Variants in ANK3 observed in about 807,000 individuals in gnomAD.
ANK3 encodes the protein ankyrin 3.
A neutral mutation model predicts 370.9 loss-of-function variants in ANK3; 57 were observed. That is an observed-to-expected ratio of 0.15 (90% CI 0.12 to 0.19). The LOEUF is 0.19. Ranked by LOEUF, ANK3 falls within the 10% of genes least tolerant of loss-of-function variation. ANK3 has a pLI of 1.00. For missense variants in ANK3, 4,439 were observed against 5,302.1 expected, an observed-to-expected ratio of 0.84 and a Z score of 5.06; for synonymous variants, 1,929 against 1,946.3, an observed-to-expected ratio of 0.99 and a Z score of 0.23.
At chr10:60,153,342 T>C (rs1462355848) in intron 23 of ANK3, among the ~76,000 whole-genome samples, 4 of 152,032 alleles carry the variant, frequency 2.6e-5, no homozygotes, top group Non-Finnish European at 4.4e-5. Flanking sequence ...CAGTATTCCA[T>C]GTGAGAGATG....
intron 2 of ANK3, among the ~76,000 whole-genome samples, chr10:60,479,689 T>C (rs1446864261): frequency 6.6e-6 from 1 of 151,816 alleles, no homozygotes; most frequent in Non-Finnish European, 1.5e-5. Context: ...GAGACACTCC[T>C]ATCTTAGATA....
chr10:60,053,928 A>G (rs1180900616), intron 42 of ANK3, among the ~76,000 whole-genome samples: 1 of 152,154 alleles, frequency 6.6e-6, no homozygotes, highest in Non-Finnish European at 1.5e-5. Flanking sequence ...TCTGCATTAT[A>G]ATAGGACTCG....
intron 30 of ANK3, 138 bp downstream of exon 30, chr10:60,086,539 G>C (rs927660173): frequency 1.4e-6 from 1 of 718,110 alleles, no homozygotes; most frequent in Non-Finnish European, 2.1e-6. Flanking sequence ...TGATGGACAA[G>C]TAAAATGTTT....
At chr10:60,452,239 G>A (rs2064625624) in intron 2 of ANK3, among the ~76,000 whole-genome samples, 1 of 152,194 alleles carries the variant, frequency 6.6e-6, no homozygotes, top group Non-Finnish European at 1.5e-5. Flanking sequence ...CAAATTTCAA[G>A]GAACTGTTTC....
chr10:60,210,153 A>T (rs2096830025), intron 9 of ANK3, among the ~76,000 whole-genome samples: 1 of 152,224 alleles, frequency 6.6e-6, no homozygotes, highest in Non-Finnish European at 1.5e-5. Context: ...TGCGCATGAA[A>T]ATAGGTGCTT....
intron 1 of ANK3, among the ~76,000 whole-genome samples, chr10:60,290,712 T>C (rs1204013214): frequency 2.0e-5 from 3 of 152,184 alleles, no homozygotes; most frequent in Non-Finnish European, 4.4e-5. Context: ...TTAGCATCTT[T>C]ACACTGGGAC....
chr10:60,522,958 T>C (rs150017629), intron 2 of ANK3, among the ~76,000 whole-genome samples: 1 of 152,060 alleles, frequency 6.6e-6, no homozygotes, highest in Non-Finnish European at 1.5e-5. Flanking sequence ...GTCAATTGAA[T>C]CTTCATAGAT....
At chr10:60,313,652 T>C (rs2046819469) in intron 1 of ANK3, among the ~76,000 whole-genome samples, 1 of 152,192 alleles carries the variant, frequency 6.6e-6, no homozygotes, top group Non-Finnish European at 1.5e-5. Context: ...AAATATTCTT[T>C]TCTCCAGTTT....
At chr10:60,329,592 C>T (rs2132931240) in intron 1 of ANK3, among the ~76,000 whole-genome samples, 1 of 152,236 alleles carries the variant, frequency 6.6e-6, no homozygotes, top group East Asian at 1.9e-4. Flanking sequence ...TGAAGGACCT[C>T]TTCAAAGAGA....
intron 1 of ANK3, among the ~76,000 whole-genome samples, chr10:60,659,669 C>T (rs11813923): frequency 0.33 from 50,460 of 151,676 alleles, 8,920 homozygotes; most frequent in South Asian, 0.56. Context: ...TTATAAGATA[C>T]AATAATCATT....
intron 24 of ANK3, 124 bp from the exon 25 acceptor site, chr10:60,134,497 G>T: frequency 1.6e-6 from 1 of 641,376 alleles, no homozygotes; most frequent in Non-Finnish European, 2.6e-6. Flanking sequence ...AGTTGTTCTT[G>T]AAAGGACATA....
chr10:60,529,740 T>C (rs781599908), intron 2 of ANK3, among the ~76,000 whole-genome samples: 3 of 152,176 alleles, frequency 2.0e-5, no homozygotes, highest in Admixed American at 6.6e-5. Flanking sequence ...ATATATGAGA[T>C]GTGACAATAT....
chr10:60,151,417 G>A (rs1450599078), intron 23 of ANK3, among the ~76,000 whole-genome samples: 2 of 152,054 alleles, frequency 1.3e-5, no homozygotes, highest in Non-Finnish European at 2.9e-5. Flanking sequence ...GGCTTAGTTA[G>A]GCTTTTAAGA....
intron 42 of ANK3, among the ~76,000 whole-genome samples, chr10:60,053,464 G>T (rs897929391): frequency 6.6e-6 from 1 of 152,134 alleles, no homozygotes; most frequent in African/African-American, 2.4e-5. Context: ...AGAAAAAGTG[G>T]CCATTTGGTC....
chr10:60,109,326 G>A (rs1396522350), intron 26 of ANK3, among the ~76,000 whole-genome samples: 1 of 152,070 alleles, frequency 6.6e-6, no homozygotes, highest in African/African-American at 2.4e-5. Flanking sequence ...GAAGGAATAA[G>A]GAAGGTTTCA....
chr10:60,603,590 C>T (rs1334307608), intron 2 of ANK3, among the ~76,000 whole-genome samples: 2 of 152,026 alleles, frequency 1.3e-5, no homozygotes, highest in African/African-American at 2.4e-5. Flanking sequence ...ATGCTAAATG[C>T]TATTTCTCAA....
chr10:60,277,591 T>C (rs1019284453), intron 4 of ANK3, among the ~76,000 whole-genome samples: 2 of 152,238 alleles, frequency 1.3e-5, no homozygotes, highest in African/African-American at 4.8e-5. Context: ...TGTCTTCATT[T>C]AATCTATGTA....
At chr10:60,363,375 G>A (rs935181216) in intron 1 of ANK3, among the ~76,000 whole-genome samples, 39 of 152,142 alleles carry the variant, frequency 2.6e-4, no homozygotes, top group African/African-American at 9.2e-4. Flanking sequence ...TTAGTCAGAC[G>A]CACTGCTATT....
chr10:60,301,558 G>A (rs2043822995), intron 1 of ANK3, among the ~76,000 whole-genome samples: 1 of 151,346 alleles, frequency 6.6e-6, no homozygotes, highest in Admixed American at 6.6e-5. Context: ...GGACTACAGG[G>A]CCCACCACCA....
Sources: gnomAD v4.1 joint callset for allele counts (sites outside exome capture counted in the v4.1 genomes callset) on GRCh38, gnomAD v4.1.1 for gene constraint, MANE v1.5 for transcripts, NCBI Gene and HGNC (gene_info 2026-07-23, HGNC 2026-07-21) for gene names.